The following TG variants were observed in gnomAD, a reference collection of about 807,000 sequenced individuals.
TG encodes the protein thyroglobulin, also known as thyroid hormones.
In TG, 270 loss-of-function variants were observed where a neutral mutation model predicts 324.7. The observed-to-expected ratio is 0.83, with a 90% CI of 0.75 to 0.92. The LOEUF (loss-of-function observed/expected upper bound fraction) is 0.92, where lower values mean the gene tolerates loss of function less well. Ranked by LOEUF, TG falls within the 40% of genes least tolerant of loss-of-function variation. The pLI is 0.00. For synonymous variants in TG, 1,401 were observed against 1,327.0 expected, an observed-to-expected ratio of 1.06 and a Z score of -1.21; for missense variants, 3,591 against 3,456.4, an observed-to-expected ratio of 1.04 and a Z score of -0.98.
At chr8:132,998,296 G>T (rs1791665616) in intron 35 of TG, among the ~76,000 whole-genome samples, 1 of 152,250 alleles carries the variant, frequency 6.6e-6, no homozygotes, top group African/African-American at 2.4e-5. Context: ...GAAGGGGATG[G>T]ATGAGGTCTA....
At position 133,095,684 on chromosome 8, in the gene TG, G is replaced by A. The variant is rs374024286; in HGVS notation, c.7404+476G>A. On this transcript the variant is annotated intron_variant, in intron 42 of 47. Transcript: ENST00000220616. ...TCCCTTTATAGCATGCAAAGTTCTT[G>A]CTTGCAGACCAAATCTCTGGCTGGC... 3.3e-5 allele frequency among the ~76,000 whole-genome samples: 5 copies of A among 152,178 alleles called. No individual in the cohort carries two copies. In the East Asian group the frequency reaches 9.6e-4, roughly 29 times the overall value.
intron 27 of TG, among the ~76,000 whole-genome samples, chr8:132,956,448 G>A (rs1426968765): frequency 1.3e-5 from 2 of 151,838 alleles, no homozygotes; most frequent in Non-Finnish European, 3.0e-5. Context: ...CTCAGAGGAC[G>A]GGGGTGTGTG....
chr8:132,906,933 C>T (rs62514139), intron 17 of TG, 33 bp downstream of exon 17: 17,378 of 1,579,390 alleles, frequency 0.011, 129 homozygotes, highest in Non-Finnish European at 0.013. Flanking sequence ...TCCTGCACCC[C>T]GCTCCCTCTC....
intron 16 of TG, among the ~76,000 whole-genome samples, chr8:132,905,728 C>T (rs1188993767): frequency 6.6e-6 from 1 of 152,068 alleles, no homozygotes; most frequent in Non-Finnish European, 1.5e-5. Flanking sequence ...ACCAGCATGC[C>T]ACTGATTAGA....
At chr8:132,869,428 A>G (rs1275382128) in intron 2 of TG, among the ~76,000 whole-genome samples, 1 of 152,054 alleles carries the variant, frequency 6.6e-6, no homozygotes, top group Non-Finnish European at 1.5e-5. Context: ...GCCTGAGGAC[A>G]CTTGGTGGAT....
At chr8:133,125,872 T>C (rs1564216651) in intron 45 of TG, among the ~76,000 whole-genome samples, 1 of 152,206 alleles carries the variant, frequency 6.6e-6, no homozygotes, top group Admixed American at 6.5e-5. Flanking sequence ...AGAGATAGTA[T>C]TTTATTTGAG....
intron 27 of TG, among the ~76,000 whole-genome samples, chr8:132,950,461 C>G (rs1825946646): frequency 6.6e-6 from 1 of 152,168 alleles, no homozygotes; most frequent in Non-Finnish European, 1.5e-5. Flanking sequence ...AGACTCACAC[C>G]TTTATATCCT....
chr8:132,964,595 GTGAT>G (rs1828267439), intron 29 of TG: 1 of 335,744 alleles, frequency 3.0e-6, no homozygotes, highest in Admixed American at 4.6e-5. Context: ...GCCAACGAGA[GTGAT>G]TGGTCTCATT....
At chr8:132,993,990 G>A (rs1001595968) in intron 35 of TG, among the ~76,000 whole-genome samples, 1 of 152,182 alleles carries the variant, frequency 6.6e-6, no homozygotes, top group Non-Finnish European at 1.5e-5. Flanking sequence ...AATCAAAGCC[G>A]TAGGTAGAGG....
At chr8:132,944,818 G>A (rs769416402) in intron 26 of TG, among the ~76,000 whole-genome samples, 5 of 152,302 alleles carry the variant, frequency 3.3e-5, no homozygotes, top group Middle Eastern at 3.4e-3. Context: ...AAGACTTTCC[G>A]AAATCTTGAA....
intron 20 of TG, among the ~76,000 whole-genome samples, chr8:132,914,800 G>T (rs955370278): frequency 1.8e-4 from 27 of 152,280 alleles, no homozygotes; most frequent in African/African-American, 5.3e-4. Context: ...ACAGAAGCAG[G>T]AGTGGATGGT....
intron 38 of TG, 40 bp downstream of exon 38, chr8:133,018,037 G>A (rs772251582): frequency 6.3e-7 from 1 of 1,592,324 alleles, no homozygotes; most frequent in Non-Finnish European, 8.6e-7. Flanking sequence ...AATGCTCAGA[G>A]AAATCTCCTC....
intron 35 of TG, among the ~76,000 whole-genome samples, chr8:133,000,572 C>A (rs1360906415): frequency 6.6e-6 from 1 of 152,186 alleles, no homozygotes; most frequent in East Asian, 1.9e-4. Context: ...GCAATGCCAC[C>A]TCTTAGAGCA....
chr8:132,970,319 A>G (rs1411144825), intron 32 of TG, among the ~76,000 whole-genome samples: 1 of 152,110 alleles, frequency 6.6e-6, no homozygotes, highest in East Asian at 1.9e-4. Context: ...CTTACCCATT[A>G]GAATCACCCG....
At chr8:133,095,809 G>T (rs1049422315) in intron 42 of TG, among the ~76,000 whole-genome samples, 1 of 152,200 alleles carries the variant, frequency 6.6e-6, no homozygotes, top group African/African-American at 2.4e-5. Flanking sequence ...ATTGGAGCAG[G>T]TCTTATTCTC....
At chr8:133,051,670 A>G (rs1220149008) in intron 41 of TG, among the ~76,000 whole-genome samples, 4 of 152,284 alleles carry the variant, frequency 2.6e-5, no homozygotes, top group African/African-American at 7.2e-5. Context: ...ACTGTAGAGG[A>G]GAGACAGTGA....
At chr8:132,905,971 T>A (rs986629900) in intron 16 of TG, among the ~76,000 whole-genome samples, 4 of 151,660 alleles carry the variant, frequency 2.6e-5, no homozygotes, top group Non-Finnish European at 5.9e-5. Context: ...CTGGAGGAGA[T>A]GAGAGTGAAG....
At chr8:133,045,532 C>G (rs1054668462) in intron 41 of TG, among the ~76,000 whole-genome samples, 2 of 151,670 alleles carry the variant, frequency 1.3e-5, no homozygotes, top group East Asian at 3.9e-4. Context: ...GTAGCTGGGA[C>G]TACAGGCATG....
chr8:132,967,711 T>A (rs1398618908), intron 30 of TG, 83 bp from the exon 31 acceptor site: 14 of 1,493,074 alleles, frequency 9.4e-6, no homozygotes. Flanking sequence ...ACCAGGCATT[T>A]CCCCACCCAG....
Sources: gnomAD v4.1 joint callset for allele counts (sites outside exome capture counted in the v4.1 genomes callset) on GRCh38, gnomAD v4.1.1 for gene constraint, MANE v1.5 for transcripts, NCBI Gene and HGNC (gene_info 2026-07-23, HGNC 2026-07-21) for gene names.